NAALADL2: variants seen among roughly 807,000 people sequenced by gnomAD.
NAALADL2 encodes the protein N-acetylated alpha-linked acidic dipeptidase like 2.
A neutral mutation model predicts 87.2 loss-of-function variants in NAALADL2; 76 were observed. That is an observed-to-expected ratio of 0.87 (90% CI 0.72 to 1.05). NAALADL2 has a LOEUF of 1.05. NAALADL2 is among the 50% of genes least tolerant of loss of function. The pLI is 0.00. For missense variants in NAALADL2, 1,089 were observed against 945.8 expected (o/e 1.15, Z -1.99); for synonymous variants, 354 against 331.0 (o/e 1.07, Z -0.75).
intron 1 of NAALADL2, among the ~76,000 whole-genome samples, chr3:175,085,256 C>T (rs9818495): frequency 6.6e-6 from 1 of 151,866 alleles, no homozygotes; most frequent in Non-Finnish European, 1.5e-5. Context: ...TGGTGTCGTT[C>T]TGATGTTAAC....
intron 2 of NAALADL2, among the ~76,000 whole-genome samples, chr3:175,133,237 AC>A (rs1381149870): frequency 6.8e-6 from 1 of 147,284 alleles, no homozygotes; most frequent in African/African-American, 2.5e-5. Flanking sequence ...CACTTTCCAG[AC>A]TGGGCAGCCA....
intron 9 of NAALADL2, among the ~76,000 whole-genome samples, chr3:175,529,333 G>A (rs1478160651): frequency 1.4e-4 from 21 of 152,156 alleles, no homozygotes. Context: ...TGTGTTTTCT[G>A]GTGGCAGCAT....
chr3:174,944,635 A>G (rs1186209010), intron 1 of NAALADL2, among the ~76,000 whole-genome samples: 1 of 152,096 alleles, frequency 6.6e-6, no homozygotes, highest in African/African-American at 2.4e-5. Context: ...TTTGCCAGGA[A>G]GCCTAGGAAG....
intron 2 of NAALADL2, among the ~76,000 whole-genome samples, chr3:175,146,832 A>C (rs1730819290): frequency 6.7e-6 from 1 of 150,314 alleles, no homozygotes; most frequent in Admixed American, 6.7e-5. Context: ...CTTTTTTTTT[A>C]ACTAAATTTA....
At chr3:174,557,280 A>G (rs1272801273) in intron 2 of NAALADL2, among the ~76,000 whole-genome samples, 1 of 152,222 alleles carries the variant, frequency 6.6e-6, no homozygotes, top group African/African-American at 2.4e-5. Context: ...GACTTAAAAA[A>G]ATACAACTTT....
At chr3:175,779,958 A>G (rs1750789801) in intron 13 of NAALADL2, among the ~76,000 whole-genome samples, 1 of 152,156 alleles carries the variant, frequency 6.6e-6, no homozygotes. Flanking sequence ...GAGGGGACAA[A>G]AAAATTTAGA....
chr3:175,425,982 T>C (rs565811222), intron 5 of NAALADL2, among the ~76,000 whole-genome samples: 2 of 152,336 alleles, frequency 1.3e-5, no homozygotes, highest in South Asian at 4.1e-4. Context: ...TTTTATTTTG[T>C]AGAGTACAAG....
chr3:174,751,181 C>T (rs1417015809), intron 3 of NAALADL2, among the ~76,000 whole-genome samples: 1 of 152,056 alleles, frequency 6.6e-6, no homozygotes, highest in East Asian at 1.9e-4. Context: ...TCATTAAGCA[C>T]AACAGCAAAT....
chr3:174,463,758 G>A (rs139106746), intron 1 of NAALADL2, among the ~76,000 whole-genome samples: 4,121 of 151,810 alleles, frequency 0.027, 176 homozygotes, highest in African/African-American at 0.093. Context: ...CCACCACCAC[G>A]CCTGGCTAAT....
intron 2 of NAALADL2, among the ~76,000 whole-genome samples, chr3:175,163,834 G>A (rs918730548): frequency 2.0e-5 from 3 of 152,098 alleles, no homozygotes; most frequent in African/African-American, 7.2e-5. Context: ...CACACACTGG[G>A]GAAGAAAATT....
rs146753911 is a variant in NAALADL2, at chr3:175,361,354, T to C, written c.1090+37029T>C. On this transcript the variant is annotated intron_variant, in intron 5 of 13. Transcript: ENST00000454872. ...ATGTGCATGTGTCTTTATAGAAGCA[T>C]GATGTATAATCCTTTGGGTATATAC... is the stretch of plus-strand genomic sequence containing the variant. 3.9e-3 allele frequency among the ~76,000 whole-genome samples: 584 copies of C among 148,512 alleles called. 20 individuals are homozygous for C. Among genetic ancestry groups the C allele is most frequent in the African/African-American group, 0.013 (545 of 40,950 alleles).
At chr3:175,457,520 C>T (rs563482025) in intron 6 of NAALADL2, among the ~76,000 whole-genome samples, 1 of 151,930 alleles carries the variant, frequency 6.6e-6, no homozygotes, top group Non-Finnish European at 1.5e-5. Context: ...GGTGACTTTC[C>T]AACTTCCTTT....
intron 4 of NAALADL2, among the ~76,000 whole-genome samples, chr3:175,266,508 T>G (rs1751955002): frequency 6.6e-6 from 1 of 151,688 alleles, no homozygotes; most frequent in Non-Finnish European, 1.5e-5. Flanking sequence ...AGTTCTAATT[T>G]CCCTTTTGTT....
intron 13 of NAALADL2, among the ~76,000 whole-genome samples, chr3:175,799,880 T>A (rs1327415630): frequency 6.6e-6 from 1 of 152,184 alleles, no homozygotes; most frequent in Non-Finnish European, 1.5e-5. Context: ...GAAAATCGCT[T>A]TAATGTTAAG....
intron 13 of NAALADL2, among the ~76,000 whole-genome samples, chr3:175,792,247 G>T (rs557290354): frequency 7.2e-5 from 11 of 152,072 alleles, no homozygotes; most frequent in Non-Finnish European, 1.0e-4. Flanking sequence ...ATTAATTTTT[G>T]TCACATTTTC....
At chr3:175,216,294 T>G (rs1168540363) in intron 2 of NAALADL2, among the ~76,000 whole-genome samples, 1 of 152,152 alleles carries the variant, frequency 6.6e-6, no homozygotes, top group Non-Finnish European at 1.5e-5. Context: ...AATTTTGCTG[T>G]GGCCATCTCT....
chr3:174,892,061 A>G (rs781548533), intron 1 of NAALADL2, among the ~76,000 whole-genome samples: 8 of 152,192 alleles, frequency 5.3e-5, no homozygotes, highest in Non-Finnish European at 1.2e-4. Flanking sequence ...CACAACACCC[A>G]AGTTCTTTCA....
At position 175,463,955 on chromosome 3, in the gene NAALADL2, G is replaced by A. The variant is rs77715086; in HGVS notation, c.1327+462G>A. 1.9e-3 allele frequency among the ~76,000 whole-genome samples: 287 copies of A among 151,982 alleles called. 3 individuals are homozygous for A. Among genetic ancestry groups the A allele is most frequent in the African/African-American group, 6.6e-3 (272 of 41,444 alleles). On this transcript the variant is annotated intron_variant, in intron 7 of 13. Coordinates refer to ENST00000454872, the MANE Select transcript of NAALADL2 (RefSeq NM_207015.3). ...AGCAATTCTTGTACCTCATCCTCTT[G>A]AGTAGCTGAGACTACAGGCACCCAC... is the stretch of plus-strand genomic sequence containing the variant.
chr3:175,569,922 G>T (rs1332712889), intron 9 of NAALADL2, among the ~76,000 whole-genome samples: 2 of 151,596 alleles, frequency 1.3e-5, no homozygotes, highest in African/African-American at 4.8e-5. Flanking sequence ...ATTTGTGTGT[G>T]TGTGTGTGTA....
Sources: gnomAD v4.1 joint callset for allele counts (sites outside exome capture counted in the v4.1 genomes callset) on GRCh38, gnomAD v4.1.1 for gene constraint, MANE v1.5 for transcripts, NCBI Gene and HGNC (gene_info 2026-07-23, HGNC 2026-07-21) for gene names.